The following KIF26A variants were observed in gnomAD, a reference collection of about 807,000 sequenced individuals.
KIF26A encodes the protein kinesin-like protein KIF26A.
A neutral mutation model predicts 126.0 loss-of-function variants in KIF26A; 74 were observed. That is an observed-to-expected ratio of 0.59 (90% CI 0.49 to 0.71). KIF26A has a LOEUF of 0.71. Among genes scored for constraint, KIF26A ranks in the 30% least tolerant of loss-of-function variants. The pLI is 0.00. For missense variants in KIF26A, 2,984 were observed against 2,763.3 expected (o/e 1.08, Z -1.79); for synonymous variants, 1,445 against 1,232.7 (o/e 1.17, Z -3.61).
chr14:104,142,912 T>C (rs545848824), intron 2 of KIF26A, among the ~76,000 whole-genome samples: 1 of 152,330 alleles, frequency 6.6e-6, no homozygotes, highest in East Asian at 1.9e-4. Flanking sequence ...GGATTCCGGC[T>C]ATCCGCCCCT....
In KIF26A at chr14:104,157,915, C is replaced by T. The variant is rs751094017; in HGVS notation, c.896C>T (p.Pro299Leu). Residue 299 changes from proline (P) to leucine (L), a missense_variant, in exon 4 of 15, where the codon CCC (proline) becomes CTC (leucine). Pro to Leu is a moderately conservative substitution (Grantham distance 98). Transcript: ENST00000423312. ...GGCTCGGTGGGGGGCTCCACAGGCC[C>T]CTCAGCTGCAGCCTCCTTCTTCATA... Reference protein sequence around the residue: ...TPGSVGGSTGPSAAASFFIRA... With the variant: ...TPGSVGGSTGLSAAASFFIRA... 6.5e-7 allele frequency: 1 copy of T among 1,529,500 alleles called. No homozygotes were observed. Among genetic ancestry groups the T allele is most frequent in the African/African-American group, 1.4e-5 (1 of 71,220 alleles). The allele number at this position is 1,529,500 out of a possible 1,614,324, so 94.7% of individuals were successfully genotyped here.
At chr14:104,164,779 C>T (rs1251807075) in intron 4 of KIF26A, among the ~76,000 whole-genome samples, 1 of 151,062 alleles carries the variant, frequency 6.6e-6, no homozygotes, top group South Asian at 2.1e-4. Flanking sequence ...GTGTGCATCT[C>T]TGTGTGTGTG....
At position 104,177,078 on chromosome 14, in the gene KIF26A, C is replaced by A; in HGVS notation, c.4290C>A (p.His1430Gln). The change falls in exon 12 of 15, where the codon CAC (histidine) becomes CAA (glutamine). Residue 1430 changes from histidine (H) to glutamine (Q), a missense_variant. Physicochemically the swap from His to Gln is conservative, Grantham distance 24. Transcript: ENST00000423312. ...KARASKVEAA[H>Q]RLAGHASLER... is the part of the protein sequence containing the mutation. ...GGGCCAGCAAGGTAGAAGCAGCACA[C>A]CGTCTTGCCGGACACGCGTCTCTGG... 6.3e-7 allele frequency: 1 copy of A among 1,594,838 alleles called. No individual in the cohort carries two copies. The highest frequency in any genetic ancestry group is 8.5e-7 in the Non-Finnish European group (1 of 1,178,420).
intron 2 of KIF26A, among the ~76,000 whole-genome samples, chr14:104,142,189 T>C (rs1008009900): frequency 2.0e-5 from 3 of 152,126 alleles, no homozygotes; most frequent in African/African-American, 4.8e-5. Flanking sequence ...GTGCCCCGTC[T>C]GGGGCCGTAG....
At position 104,148,013 on chromosome 14, in the gene KIF26A, C is replaced by T. The variant is rs1422962200; in HGVS notation, c.289-4002C>T. On this transcript the variant is annotated intron_variant, in intron 2 of 14. Transcript: ENST00000423312. The surrounding 1 kb of genome is among the most constrained non-coding windows in gnomAD (Gnocchi z 4.3). The stretch of plus-strand genomic sequence containing the variant: ...TCTCTGAACTGGGAGCAGGACTCCC[C>T]TCGCTGTCCCAGGGTGGCCTTACCT... Among the ~76,000 whole-genome samples, 1 of 152,192 alleles carries T rather than the reference C, an allele frequency of 6.6e-6. No homozygotes were observed. The highest frequency in any genetic ancestry group is 1.5e-5 in the Non-Finnish European group (1 of 68,038).
Position 104,180,879 on chromosome 14 carries a change from A to G in KIF26A, c.*1089A>G, listed in dbSNP as rs1328377409. ...GCTACAGCTTTTATTTGTGAATTAA[A>G]GATGCATCGATGGTTCCCACGGCTG... On this transcript the variant is annotated 3_prime_UTR_variant, in exon 15 of 15. Transcript: ENST00000423312. 6.5e-6 allele frequency: 1 copy of G among 152,714 alleles called. No individual in the cohort carries two copies. Among genetic ancestry groups the G allele is most frequent in the African/African-American group, 2.4e-5 (1 of 41,480 alleles). The allele number at this position is 152,714 out of a possible 1,614,324, so 9.5% of individuals were successfully genotyped here.
chr14:104,160,296 C>T (rs1027053803), intron 4 of KIF26A, among the ~76,000 whole-genome samples: 2 of 152,132 alleles, frequency 1.3e-5, no homozygotes, highest in Admixed American at 6.5e-5. Flanking sequence ...CCTGGGGAGT[C>T]TCAGCTCTGC....
intron 2 of KIF26A, among the ~76,000 whole-genome samples, chr14:104,150,717 C>T (rs72714977): frequency 0.012 from 1,830 of 152,288 alleles, 12 homozygotes; most frequent in Middle Eastern, 0.031. Context: ...CATTGGAGTC[C>T]GGTCTTGCCT....
At position 104,175,573 on chromosome 14, in the gene KIF26A, G is replaced by C. The variant is rs745701613; in HGVS notation, c.2785G>C (p.Ala929Pro). Reference sequence around the variant, plus strand: ...GGGTGACCAGAGAGAGGACAGCAGCGCTTGGCCTGAGCTGCTGGTCCCGGA... The same window carrying C: ...GGGTGACCAGAGAGAGGACAGCAGCCCTTGGCCTGAGCTGCTGGTCCCGGA... ...VWGDQREDSSAWPELLVPEKA... is the reference protein window; with the variant it reads ...VWGDQREDSSPWPELLVPEKA... The change falls in exon 12 of 15, where the codon GCT (alanine) becomes CCT (proline). Residue 929 changes from alanine to proline, a missense_variant. By Grantham distance (27) the Ala-to-Pro change is conservative. Transcript: ENST00000423312. 53 of 1,607,556 alleles carry C rather than the reference G, an allele frequency of 3.3e-5. No homozygotes were observed. Among genetic ancestry groups the C allele is most frequent in the Non-Finnish European group, 4.5e-5 (53 of 1,179,510 alleles).
intron 3 of KIF26A, among the ~76,000 whole-genome samples, chr14:104,157,102 C>T (rs2037786358): frequency 6.6e-6 from 1 of 152,168 alleles, no homozygotes; most frequent in Non-Finnish European, 1.5e-5. Flanking sequence ...TTCGGGGTCC[C>T]ACGTGTCTGG....
Position 104,174,177 on chromosome 14 carries a change from A to G in KIF26A, c.2060A>G (p.Glu687Gly), listed in dbSNP as rs751606988. The change falls in exon 11 of 15, where the codon GAA becomes GGA. Residue 687 changes from glutamate to glycine, a missense_variant. By Grantham distance (98) the Glu-to-Gly change is moderately conservative. Transcript: ENST00000423312. ...CACAGGCTCACCATGCTGCTGCGTG[A>G]ATCCCTGGCCACCGCTGGCTGCCGC... ...RDHRLTMLLR[E>G]SLATAGCRTT... The G allele has an allele frequency of 1.6e-5, 25 of 1,590,014 alleles. No homozygotes were observed. The Admixed American group carries it at 4.0e-4, about 25-fold the overall frequency.
chr14:104,146,324 G>A (rs1555387633), intron 2 of KIF26A, among the ~76,000 whole-genome samples: 1 of 152,104 alleles, frequency 6.6e-6, no homozygotes, highest in South Asian at 2.1e-4. Flanking sequence ...TCCTGGTCCT[G>A]CCCAACTTCC....
At chr14:104,139,891 C>T (rs2037621197) in intron 2 of KIF26A, among the ~76,000 whole-genome samples, 1 of 152,182 alleles carries the variant, frequency 6.6e-6, no homozygotes, top group African/African-American at 2.4e-5. Context: ...TCCCCAGGCT[C>T]CAGCCCCAGG....
Position 104,157,758 on chromosome 14 carries a change from G to A in KIF26A, c.739G>A (p.Glu247Lys), listed in dbSNP as rs199662032. 2.3e-4 allele frequency: 363 copies of A among 1,610,504 alleles called. 1 individual carries two copies. Among genetic ancestry groups the A allele is most frequent in the Admixed American group, 5.7e-4 (34 of 59,830 alleles). The change falls in exon 4 of 15, where the codon GAG (glutamate) becomes AAG (lysine). Residue 247 changes from glutamate to lysine, a missense_variant. Transcript: ENST00000423312. The stretch of plus-strand genomic sequence containing the variant: ...CGCACTCTCTCCTTCCCTCCAGGCC[G>A]AGGCAGCGGTGGCGGCCGTGGCGGT... ...NSFLPPACLA[E>K]AAVAAVAVAD...
chr14:104,149,163 A>G (rs1335457460), intron 2 of KIF26A, among the ~76,000 whole-genome samples: 3 of 152,166 alleles, frequency 2.0e-5, no homozygotes, highest in African/African-American at 7.2e-5. Context: ...CCGGTCTCGC[A>G]TAAGTGACTA....
Position 104,166,027 on chromosome 14 carries a change from G to A in KIF26A, c.924-832G>A, listed in dbSNP as rs374164413. ...TCTGCACCTTCTGGGAGTTCCCTGG[G>A]GGCACTGTGGGTGCAGGAATCCCCC... On this transcript the variant is annotated intron_variant, in intron 4 of 14. Transcript: ENST00000423312. 1.1e-4 allele frequency among the ~76,000 whole-genome samples: 16 copies of A among 152,280 alleles called. No individual in the cohort carries two copies. The East Asian group carries it at 1.2e-3, about 11-fold the overall frequency.
Position 104,174,207 on chromosome 14 carries a change from C to T in KIF26A, c.2090C>T (p.Thr697Ile). ...CTGGCCACCGCTGGCTGCCGCACCA[C>T]CATGATCGCCCACGTGTCGGATGCG... ...ESLATAGCRTTMIAHVSDAPA... is the reference protein window; with the variant it reads ...ESLATAGCRTIMIAHVSDAPA... The change falls in exon 11 of 15, where the codon ACC (threonine) becomes ATC (isoleucine). Residue 697 changes from threonine (T) to isoleucine (I), a missense_variant. Physicochemically the swap from Thr to Ile is moderately conservative, Grantham distance 89. Coordinates refer to ENST00000423312, the MANE Select transcript of KIF26A (RefSeq NM_015656.2). 1 of 1,586,792 alleles carries T rather than the reference C, an allele frequency of 6.3e-7. No homozygotes were observed. Among genetic ancestry groups the T allele is most frequent in the Non-Finnish European group, 8.6e-7 (1 of 1,167,782 alleles).
chr14:104,179,348 G>C lies in KIF26A; in HGVS notation c.5429G>C (p.Gly1810Ala). The C allele has an allele frequency of 5.8e-6, 9 of 1,538,552 alleles. No individual in the cohort carries two copies. Among genetic ancestry groups the C allele is most frequent in the Non-Finnish European group, 7.9e-6 (9 of 1,145,624 alleles). ...TGTGAGGAGCTGGCCGAGACCCAGG[G>C]CCGGCTGATGCTGGAGCCTGGCCGC... ...HLCEELAETQ[G>A]RLMLEPGRWL... The change falls in exon 14 of 15, where the codon GGC becomes GCC. Residue 1810 changes from glycine (G) to alanine (A), a missense_variant. By Grantham distance (60) the Gly-to-Ala change is moderately conservative. Transcript: ENST00000423312.
At chr14:104,166,779 T>G (rs1385712238) in intron 4 of KIF26A, 80 bp from the exon 5 acceptor site, 1 of 1,314,674 alleles carries the variant, frequency 7.6e-7, no homozygotes, top group African/African-American at 1.5e-5. Context: ...CAGGGTGGGA[T>G]CGCCTGGTGA....
Sources: allele counts gnomAD v4.1 joint callset (sites outside exome capture counted in the v4.1 genomes callset), GRCh38; gene constraint gnomAD v4.1.1; non-coding constraint Gnocchi (gnomAD v3.1); transcripts MANE v1.5; gene names NCBI Gene and HGNC (gene_info 2026-07-23, HGNC 2026-07-21).